FAM114A1: variants seen among roughly 807,000 people sequenced by gnomAD.
FAM114A1 encodes family with sequence similarity 114 member A1.
In FAM114A1, 62 loss-of-function variants were observed where a neutral mutation model predicts 64.3. That is an observed-to-expected ratio of 0.96 (90% CI 0.79 to 1.19). FAM114A1 has a LOEUF of 1.19. FAM114A1 is among the 50% of genes most tolerant of loss of function. The probability of loss-of-function intolerance (pLI) is 0.00; values close to 1 mark genes in which losing one functional copy is unlikely to be tolerated. For missense variants in FAM114A1, 645 were observed against 676.3 expected (o/e 0.95, Z 0.51); for synonymous variants, 254 against 251.1 (o/e 1.01, Z -0.11).
At chr4:38,939,886 C>CTTTTTTTTTTTTTT (rs545845095) in intron 13 of FAM114A1, among the ~76,000 whole-genome samples, 1 of 131,668 alleles carries the variant, frequency 7.6e-6, no homozygotes, top group Non-Finnish European at 1.6e-5. Flanking sequence ...CACTTTCTTT[C>CTTTTTTTTTTTTTT]TTTTTTTTTT....
intron 9 of FAM114A1, among the ~76,000 whole-genome samples, chr4:38,923,831 G>A (rs1719861565): frequency 6.6e-6 from 1 of 152,172 alleles, no homozygotes; most frequent in Non-Finnish European, 1.5e-5. Context: ...TTTATGAGAA[G>A]CAAGGCTTCC....
chr4:38,929,110 C>T (rs894940265), intron 9 of FAM114A1, 132 bp from the exon 10 acceptor site: 2 of 685,152 alleles, frequency 2.9e-6, no homozygotes, highest in African/African-American at 3.5e-5. Flanking sequence ...CATCTTTGCC[C>T]AGCGGCTGGC....
chr4:38,935,117 A>G (rs964683436), intron 12 of FAM114A1, among the ~76,000 whole-genome samples: 1 of 152,044 alleles, frequency 6.6e-6, no homozygotes, highest in Non-Finnish European at 1.5e-5. Flanking sequence ...GGGTTTCACT[A>G]TGTTGGTCAG....
chr4:38,886,474 A>C (rs1043005724), intron 3 of FAM114A1, among the ~76,000 whole-genome samples: 1 of 151,738 alleles, frequency 6.6e-6, no homozygotes, highest in African/African-American at 2.4e-5. Context: ...CCCGGCCACT[A>C]TAAGCACCTT....
intron 2 of FAM114A1, among the ~76,000 whole-genome samples, chr4:38,871,557 C>A (rs1228073299): frequency 6.6e-6 from 1 of 151,992 alleles, no homozygotes; most frequent in Non-Finnish European, 1.5e-5. Context: ...CATCTTACAG[C>A]TGAGTTTCTG....
intron 13 of FAM114A1, among the ~76,000 whole-genome samples, chr4:38,939,211 C>T (rs2109811676): frequency 6.6e-6 from 1 of 152,254 alleles, no homozygotes; most frequent in Admixed American, 6.5e-5. Context: ...CAAGTGTTTG[C>T]ATGAACAAAA....
At chr4:38,906,597 C>T (rs2109680438) in intron 6 of FAM114A1, among the ~76,000 whole-genome samples, 1 of 152,254 alleles carries the variant, frequency 6.6e-6, no homozygotes, top group East Asian at 1.9e-4. Context: ...TGCAGTGGTG[C>T]AATCTCGGCT....
chr4:38,943,191 C>CAAAAA (rs1255932256), intron 14 of FAM114A1, among the ~76,000 whole-genome samples: 50 of 88,858 alleles, frequency 5.6e-4, no homozygotes, highest in African/African-American at 2.1e-3. Context: ...GACTCTGTCT[C>CAAAAA]AAAAAAAAAA....
intron 4 of FAM114A1, among the ~76,000 whole-genome samples, chr4:38,900,228 A>ATT (rs1335694824): frequency 6.1e-5 from 9 of 147,966 alleles, no homozygotes; most frequent in African/African-American, 2.2e-4. Flanking sequence ...ATTATTTTAA[A>ATT]AAAAAAAAAC....
intron 3 of FAM114A1, among the ~76,000 whole-genome samples, chr4:38,885,250 C>G (rs866040407): frequency 4.0e-5 from 6 of 151,310 alleles, no homozygotes; most frequent in Non-Finnish European, 4.4e-5. Flanking sequence ...GCTGGAATTA[C>G]AGACATGAGC....
chr4:38,870,916 A>C (rs998534027), intron 2 of FAM114A1, among the ~76,000 whole-genome samples: 1 of 152,300 alleles, frequency 6.6e-6, no homozygotes, highest in African/African-American at 2.4e-5. Flanking sequence ...TCATGATAGC[A>C]TCCACAGTCG....
chr4:38,914,684 T>C (rs1718869044), intron 7 of FAM114A1: 1 of 440,552 alleles, frequency 2.3e-6, no homozygotes, highest in East Asian at 3.4e-5. Flanking sequence ...TTCCCAGGCA[T>C]TGAATTTTTG....
At chr4:38,868,182 G>C (rs1713644721) in intron 1 of FAM114A1, 1 of 212,290 alleles carries the variant, frequency 4.7e-6, no homozygotes, top group African/African-American at 2.3e-5. Context: ...ATCTCCCAAA[G>C]TATCCAGTCC....
chr4:38,922,090 C>T (rs913864958), intron 8 of FAM114A1, among the ~76,000 whole-genome samples: 2 of 152,102 alleles, frequency 1.3e-5, no homozygotes, highest in Admixed American at 6.6e-5. Context: ...TACAGGCATG[C>T]ACCACCACAC....
At chr4:38,917,665 C>A (rs1719201996) in intron 8 of FAM114A1, among the ~76,000 whole-genome samples, 1 of 152,086 alleles carries the variant, frequency 6.6e-6, no homozygotes, top group South Asian at 2.1e-4. Context: ...TACAAGATAT[C>A]ATGGTGGTGG....
At chr4:38,905,988 T>G in intron 6 of FAM114A1, 127 bp downstream of exon 6, 1 of 761,980 alleles carries the variant, frequency 1.3e-6, no homozygotes, top group Non-Finnish European at 2.0e-6. Flanking sequence ...GGATTATGGT[T>G]TTTTTTTTAA....
chr4:38,898,664 T>C (rs898357267), intron 4 of FAM114A1, among the ~76,000 whole-genome samples: 2 of 152,174 alleles, frequency 1.3e-5, no homozygotes, highest in African/African-American at 2.4e-5. Flanking sequence ...ACACTTCTTG[T>C]CTATTTTGAG....
At chr4:38,929,016 G>A (rs905594731) in intron 9 of FAM114A1, 2 of 507,182 alleles carry the variant, frequency 3.9e-6, no homozygotes, top group Non-Finnish European at 3.6e-6. Flanking sequence ...GTCCCTGCTG[G>A]AGCTGCCAAA....
At chr4:38,880,870 A>G (rs1715199331) in intron 3 of FAM114A1, among the ~76,000 whole-genome samples, 1 of 152,246 alleles carries the variant, frequency 6.6e-6, no homozygotes, top group African/African-American at 2.4e-5. Context: ...CATAATAATT[A>G]TAACAGGACT....
Sources: allele counts gnomAD v4.1 joint callset (sites outside exome capture counted in the v4.1 genomes callset), GRCh38; gene constraint gnomAD v4.1.1; transcripts MANE v1.5; gene names NCBI Gene and HGNC (gene_info 2026-07-23, HGNC 2026-07-21).